DGKI: variants seen among roughly 807,000 people sequenced by gnomAD.
The protein encoded by DGKI is diacylglycerol kinase iota, also known as DAG kinase iota.
DGKI carries 55 observed loss-of-function variants against 147.5 expected under a neutral mutation model. That is an observed-to-expected ratio of 0.37 (90% confidence interval 0.30 to 0.47). The LOEUF (loss-of-function observed/expected upper bound fraction) is 0.47. Ranked by LOEUF, DGKI falls within the 20% of genes least tolerant of loss-of-function variation. DGKI has a pLI of 1.00. For missense variants in DGKI, 1,007 were observed against 1,323.8 expected, an observed-to-expected ratio of 0.76 and a Z score of 3.71; for synonymous variants, 469 against 477.1, an observed-to-expected ratio of 0.98 and a Z score of 0.22.
intron 5 of DGKI, among the ~76,000 whole-genome samples, chr7:137,652,112 G>T (rs1822048467): frequency 6.6e-6 from 1 of 152,106 alleles, no homozygotes; most frequent in African/African-American, 2.4e-5. Flanking sequence ...TTGTGGCTAA[G>T]GAATGTTTTT....
chr7:137,730,257 C>A (rs1054380573), intron 1 of DGKI, among the ~76,000 whole-genome samples: 2 of 152,130 alleles, frequency 1.3e-5, no homozygotes, highest in Non-Finnish European at 2.9e-5. Flanking sequence ...TCTGTCTACA[C>A]CTGTCATCAC....
At chr7:137,628,166 C>G (rs1024990555) in intron 6 of DGKI, among the ~76,000 whole-genome samples, 1 of 152,130 alleles carries the variant, frequency 6.6e-6, no homozygotes, top group Non-Finnish European at 1.5e-5. Context: ...TCTAGCCCCA[C>G]CTCGCTACTA....
intron 3 of DGKI, among the ~76,000 whole-genome samples, chr7:137,670,236 G>T (rs1244829700): frequency 6.6e-6 from 1 of 152,150 alleles, no homozygotes; most frequent in Non-Finnish European, 1.5e-5. Context: ...TTGATCCAGG[G>T]TCACCTAGAA....
At chr7:137,685,165 G>A (rs1282611685) in intron 2 of DGKI, among the ~76,000 whole-genome samples, 1 of 152,214 alleles carries the variant, frequency 6.6e-6, no homozygotes, top group Non-Finnish European at 1.5e-5. Flanking sequence ...TAAAGGAAAG[G>A]AAAGGAAAGG....
chr7:137,585,177 G>C, intron 14 of DGKI, 32 bp downstream of exon 14: 1 of 1,612,732 alleles, frequency 6.2e-7, no homozygotes, highest in Non-Finnish European at 8.5e-7. Context: ...ATGCTCCAGG[G>C]CTCCTTTCTG....
chr7:137,598,919 C>T (rs949429210), intron 11 of DGKI, among the ~76,000 whole-genome samples: 4 of 151,982 alleles, frequency 2.6e-5, no homozygotes, highest in African/African-American at 9.7e-5. Flanking sequence ...GCAGCAAACT[C>T]AACTGGTGAA....
intron 6 of DGKI, among the ~76,000 whole-genome samples, chr7:137,625,598 G>A (rs2128999646): frequency 6.6e-6 from 1 of 152,082 alleles, no homozygotes; most frequent in South Asian, 2.1e-4. Flanking sequence ...GTCTCATTGG[G>A]CCTAAACTGT....
At chr7:137,701,848 T>C (rs922053614) in intron 1 of DGKI, among the ~76,000 whole-genome samples, 1 of 151,956 alleles carries the variant, frequency 6.6e-6, no homozygotes, top group African/African-American at 2.4e-5. Context: ...AAACATAAAA[T>C]AGCCAAATAA....
At chr7:137,692,978 A>C (rs1375828463) in intron 1 of DGKI, among the ~76,000 whole-genome samples, 1 of 152,374 alleles carries the variant, frequency 6.6e-6, no homozygotes, top group Non-Finnish European at 1.5e-5. Context: ...GTACGAAATA[A>C]CTTCTGATTA....
At position 137,534,009 on chromosome 7, in the gene DGKI, T is replaced by G. The variant is rs117922223; in HGVS notation, c.2148-12043A>C. Among the ~76,000 whole-genome samples the G allele has an allele frequency of 6.2e-3, 951 of 152,230 alleles. 3 individuals carry two copies. The highest frequency in any genetic ancestry group is 9.5e-3 in the Non-Finnish European group (648 of 68,010). Reference sequence around the variant, plus strand: ...GCCTTTTAAAATGTACTCTTTTCATTTCATGGAAGTGTTTCAGGGTGTTAT... The same window carrying G: ...GCCTTTTAAAATGTACTCTTTTCATGTCATGGAAGTGTTTCAGGGTGTTAT... On this transcript the variant is annotated intron_variant, in intron 20 of 32. Transcript: ENST00000614521.
At chr7:137,664,241 G>C (rs1276082797) in intron 3 of DGKI, among the ~76,000 whole-genome samples, 1 of 151,972 alleles carries the variant, frequency 6.6e-6, no homozygotes, top group African/African-American at 2.4e-5. Flanking sequence ...AGCTGGGCAT[G>C]GTGGCGGGCG....
chr7:137,463,883 G>A (rs1374063196), intron 26 of DGKI, among the ~76,000 whole-genome samples: 2 of 152,088 alleles, frequency 1.3e-5, no homozygotes, highest in African/African-American at 4.8e-5. Context: ...AATAGACCTA[G>A]GGCAGAAATG....
At chr7:137,406,346 G>A in intron 30 of DGKI, among the ~76,000 whole-genome samples, 1 of 152,116 alleles carries the variant, frequency 6.6e-6, no homozygotes, top group Non-Finnish European at 1.5e-5. Flanking sequence ...GGAAATAGGA[G>A]ATGGAATGAT....
intron 30 of DGKI, among the ~76,000 whole-genome samples, chr7:137,404,691 T>C (rs1361325154): frequency 6.6e-6 from 1 of 152,158 alleles, no homozygotes; most frequent in Non-Finnish European, 1.5e-5. Context: ...AACATTGTGT[T>C]TCTTCTCGTG....
intron 1 of DGKI, among the ~76,000 whole-genome samples, chr7:137,804,294 A>G (rs886596711): frequency 2.0e-5 from 3 of 152,228 alleles, no homozygotes; most frequent in Admixed American, 2.0e-4. Flanking sequence ...GAAGAAAATT[A>G]CCACTTTACA....
intron 28 of DGKI, among the ~76,000 whole-genome samples, chr7:137,430,829 T>A (rs1200700514): frequency 6.6e-6 from 1 of 152,002 alleles, no homozygotes; most frequent in Non-Finnish European, 1.5e-5. Context: ...ACCTCTAAAA[T>A]AGGGTCAGGG....
At chr7:137,646,367 G>T (rs1821824670) in intron 5 of DGKI, among the ~76,000 whole-genome samples, 1 of 152,176 alleles carries the variant, frequency 6.6e-6, no homozygotes, top group South Asian at 2.1e-4. Context: ...CAATGGTATT[G>T]TGTTTAAACC....
At chr7:137,784,282 A>G (rs1796602437) in intron 1 of DGKI, among the ~76,000 whole-genome samples, 2 of 152,228 alleles carry the variant, frequency 1.3e-5, no homozygotes, top group South Asian at 4.1e-4. Context: ...AGAAAAAGAT[A>G]TTCCATGCAA....
chr7:137,550,275 A>ATGAGTAGCTGGGATTACAGCCTCC (rs1224472507), intron 20 of DGKI, among the ~76,000 whole-genome samples: 1 of 149,608 alleles, frequency 6.7e-6, no homozygotes, highest in Non-Finnish European at 1.5e-5. Context: ...AGAGATTCTT[A>ATGAGTAGCTGGGATTACAGCCTCC]TGAGTAGCTG....
Sources: gnomAD v4.1 joint callset for allele counts (sites outside exome capture counted in the v4.1 genomes callset) on GRCh38, gnomAD v4.1.1 for gene constraint, MANE v1.5 for transcripts, NCBI Gene and HGNC (gene_info 2026-07-23, HGNC 2026-07-21) for gene names.